MYO16: variants seen among roughly 807,000 people sequenced by gnomAD.
MYO16 encodes unconventional myosin-XVI.
MYO16 carries 94 observed loss-of-function variants against 205.3 expected under a neutral mutation model. That is an observed-to-expected ratio of 0.46 (90% confidence interval 0.39 to 0.54). MYO16 has a LOEUF of 0.54. Ranked by LOEUF, MYO16 falls within the 20% of genes least tolerant of loss-of-function variation. MYO16 has a pLI of 0.00. For missense variants in MYO16, 2,315 were observed against 2,387.5 expected (o/e 0.97, Z 0.63); for synonymous variants, 988 against 954.0 (o/e 1.04, Z -0.66).
chr13:109,026,250 G>A (rs1886357069), intron 23 of MYO16, among the ~76,000 whole-genome samples: 1 of 152,088 alleles, frequency 6.6e-6, no homozygotes, highest in African/African-American at 2.4e-5. Flanking sequence ...ATATAATTAA[G>A]TTACAGATCT....
chr13:108,717,403 G>A (rs576018270), intron 3 of MYO16, among the ~76,000 whole-genome samples: 3 of 152,062 alleles, frequency 2.0e-5, no homozygotes, highest in South Asian at 4.2e-4. Flanking sequence ...AGGCCGAGGC[G>A]GGCAGACACG....
At chr13:108,777,635 A>G (rs1886165792) in intron 4 of MYO16, among the ~76,000 whole-genome samples, 1 of 152,166 alleles carries the variant, frequency 6.6e-6, no homozygotes, top group South Asian at 2.1e-4. Context: ...AAGAAGGAAC[A>G]TCCTGGGCCA....
chr13:108,758,292 G>A (rs1210347463), intron 4 of MYO16, among the ~76,000 whole-genome samples: 1 of 152,112 alleles, frequency 6.6e-6, no homozygotes, highest in African/African-American at 2.4e-5. Context: ...GGTTCAAATT[G>A]TATTTTTTAA....
chr13:108,572,718 A>T, the MYO16 span, among the ~76,000 whole-genome samples: 2 of 152,062 alleles, frequency 1.3e-5, no homozygotes, highest in African/African-American at 4.8e-5. Context: ...ATTCCTCATG[A>T]TTTCAACTTG....
chr13:109,094,429 T>C (rs565662903), intron 27 of MYO16, among the ~76,000 whole-genome samples: 4 of 152,320 alleles, frequency 2.6e-5, no homozygotes, highest in Admixed American at 1.3e-4. Context: ...CAGATTGGTC[T>C]CATACTCTTG....
At chr13:108,903,631 CA>C (rs1169876514) in intron 15 of MYO16, among the ~76,000 whole-genome samples, 1 of 152,000 alleles carries the variant, frequency 6.6e-6, no homozygotes, top group African/African-American at 2.4e-5. Context: ...CATCACTGCT[CA>C]AAAAAATAGG....
chr13:109,202,482 T>C (rs1417373805), intron 34 of MYO16, among the ~76,000 whole-genome samples: 2 of 152,214 alleles, frequency 1.3e-5, no homozygotes, highest in African/African-American at 4.8e-5. Flanking sequence ...TTCATATGTT[T>C]GTTGGGCATT....
chr13:109,100,094 ATC>A (rs1888913352), intron 27 of MYO16, among the ~76,000 whole-genome samples: 1 of 152,160 alleles, frequency 6.6e-6, no homozygotes, highest in African/African-American at 2.4e-5. Context: ...CCTTGCCTGT[ATC>A]TCAGGTTAAC....
chr13:109,139,679 G>A (rs1021000509), intron 31 of MYO16, among the ~76,000 whole-genome samples: 1 of 145,622 alleles, frequency 6.9e-6, no homozygotes, highest in African/African-American at 2.5e-5. Flanking sequence ...GGGTCTACGT[G>A]AAAGGGTCGT....
Position 108,806,711 on chromosome 13 carries a change from G to A in MYO16, c.774G>A (p.Glu258=). The A allele has an allele frequency of 3.1e-6, 5 of 1,613,246 alleles. No individual in the cohort carries two copies. In the South Asian group the frequency reaches 4.4e-5, roughly 14 times the overall value. ...TGGCGTGTGCGAGTGGCTACAAGGA[G>A]GTGGTGTCTCTTATCCTGGAACATG... ...LHMACASGYK[E]VVSLILEHGG... The change falls in exon 7 of 35, where the codon GAG becomes GAA. Residue 258 remains glutamate, a synonymous_variant. Coordinates refer to ENST00000457511, the MANE Select transcript of MYO16 (RefSeq NM_001198950.3).
rs74577866 is a variant in MYO16, at chr13:108,632,177, G to A, written c.28+2305G>A. Among the ~76,000 whole-genome samples the A allele has an allele frequency of 3.9e-3, 586 of 151,766 alleles. 1 individual carries two copies. The highest frequency in any genetic ancestry group is 0.013 in the African/African-American group (532 of 41,376). ...ATGGTTTAATGGTTGTTCCTGATGC[G>A]TAAGATTTTCCCAAATTGTTGTCTC... On this transcript the variant is annotated intron_variant, in intron 1 of 34. Coordinates refer to ENST00000457511, the MANE Select transcript of MYO16 (RefSeq NM_001198950.3).
intron 32 of MYO16, among the ~76,000 whole-genome samples, chr13:109,149,619 A>G (rs1452145440): frequency 6.6e-6 from 1 of 152,232 alleles, no homozygotes; most frequent in Non-Finnish European, 1.5e-5. Context: ...ATTGCCAGGA[A>G]AACATGTGGG....
chr13:108,816,056 G>C (rs1417542677), intron 7 of MYO16, among the ~76,000 whole-genome samples: 1 of 152,102 alleles, frequency 6.6e-6, no homozygotes, highest in East Asian at 1.9e-4. Flanking sequence ...AGAAAAAATG[G>C]TCTTCTCCAA....
intron 20 of MYO16, among the ~76,000 whole-genome samples, chr13:108,983,764 A>G (rs747410028): frequency 3.9e-5 from 6 of 152,152 alleles, no homozygotes; most frequent in Non-Finnish European, 8.8e-5. Flanking sequence ...TTAAGACTGA[A>G]GGGCATGGTG....
chr13:108,749,696 A>C (rs780877493), intron 4 of MYO16, among the ~76,000 whole-genome samples: 22 of 152,260 alleles, frequency 1.4e-4, no homozygotes, highest in Admixed American at 2.6e-4. Flanking sequence ...AAAATGGCAC[A>C]GCCACTTTGG....
At chr13:109,068,125 T>C (rs1323741765) in intron 27 of MYO16, among the ~76,000 whole-genome samples, 1 of 151,972 alleles carries the variant, frequency 6.6e-6, no homozygotes, top group Non-Finnish European at 1.5e-5. Context: ...AGTTGCAATA[T>C]ACTTTTAATA....
intron 4 of MYO16, among the ~76,000 whole-genome samples, chr13:108,777,288 C>T (rs1299282314): frequency 6.6e-6 from 1 of 152,022 alleles, no homozygotes. Flanking sequence ...GACAAAAAGT[C>T]CACCAAAGAA....
At chr13:108,989,447 A>C (rs1346272628) in intron 20 of MYO16, among the ~76,000 whole-genome samples, 1 of 152,118 alleles carries the variant, frequency 6.6e-6, no homozygotes, top group South Asian at 2.1e-4. Context: ...GGCTCACTCT[A>C]TTTCTTTCCA....
intron 32 of MYO16, among the ~76,000 whole-genome samples, chr13:109,158,896 TA>T (rs1380735566): frequency 6.6e-6 from 1 of 152,172 alleles, no homozygotes; most frequent in African/African-American, 2.4e-5. Flanking sequence ...CTGGGGAAGA[TA>T]GGGGTGCATG....
Sources: allele counts gnomAD v4.1 joint callset (sites outside exome capture counted in the v4.1 genomes callset), GRCh38; gene constraint gnomAD v4.1.1; transcripts MANE v1.5; gene names NCBI Gene and HGNC (gene_info 2026-07-23, HGNC 2026-07-21).